DYNC2H1: variants seen among roughly 807,000 people sequenced by gnomAD.
DYNC2H1 encodes cytoplasmic dynein 2 heavy chain 1.
Under a neutral mutation model 570.0 loss-of-function variants are expected in DYNC2H1, and 410 were observed. That is an observed-to-expected ratio of 0.72 (90% CI 0.66 to 0.78). The LOEUF is 0.78. Ranked by LOEUF, DYNC2H1 falls within the 30% of genes least tolerant of loss-of-function variation. DYNC2H1 has a pLI of 0.00. For synonymous variants in DYNC2H1, 1,688 were observed against 1,677.6 expected, an observed-to-expected ratio of 1.01 and a Z score of -0.15; for missense variants, 4,865 against 5,046.4, an observed-to-expected ratio of 0.96 and a Z score of 1.09.
chr11:103,339,376 C>T (rs1591600296), intron 82 of DYNC2H1, among the ~76,000 whole-genome samples: 1 of 152,176 alleles, frequency 6.6e-6, no homozygotes, highest in African/African-American at 2.4e-5. Context: ...CTGGAGGCCA[C>T]ATATCAAGTG....
intron 59 of DYNC2H1, among the ~76,000 whole-genome samples, chr11:103,224,481 T>C (rs1438362286): frequency 2.6e-5 from 4 of 152,214 alleles, no homozygotes; most frequent in Non-Finnish European, 5.9e-5. Flanking sequence ...AGCTCCTACG[T>C]GAGTGAGAAC....
At chr11:103,154,356 CACAT>C (rs1277402837) in intron 22 of DYNC2H1, 91 bp from the exon 23 acceptor site, 10 of 1,062,952 alleles carry the variant, frequency 9.4e-6, no homozygotes, top group Non-Finnish European at 1.3e-5. Context: ...TGTGTGTACA[CACAT>C]ACAAGGATTG....
At chr11:103,321,351 G>T (rs536844707) in intron 81 of DYNC2H1, 114 bp downstream of exon 81, 2 of 1,123,182 alleles carry the variant, frequency 1.8e-6, no homozygotes, top group African/African-American at 1.5e-5. Context: ...TTCACAGTTT[G>T]GATTATTTGT....
At chr11:103,415,575 A>T (rs573423092) in intron 84 of DYNC2H1, among the ~76,000 whole-genome samples, 6 of 152,318 alleles carry the variant, frequency 3.9e-5, no homozygotes, top group African/African-American at 1.4e-4. Flanking sequence ...GTCATCAGAG[A>T]AATGCAAATC....
At chr11:103,419,240 G>C (rs1943395807) in intron 84 of DYNC2H1, among the ~76,000 whole-genome samples, 1 of 152,186 alleles carries the variant, frequency 6.6e-6, no homozygotes, top group African/African-American at 2.4e-5. Flanking sequence ...GTCCAGATGA[G>C]GAAGGGTCCC....
intron 18 of DYNC2H1, among the ~76,000 whole-genome samples, chr11:103,143,677 A>T (rs890649834): frequency 2.0e-5 from 3 of 152,202 alleles, no homozygotes; most frequent in African/African-American, 7.2e-5. Flanking sequence ...GCATTGGCAC[A>T]ATCTCAGTAT....
At chr11:103,424,813 A>G (rs1943611081) in intron 84 of DYNC2H1, among the ~76,000 whole-genome samples, 1 of 152,160 alleles carries the variant, frequency 6.6e-6, no homozygotes, top group African/African-American at 2.4e-5. Context: ...TATAAGGTCA[A>G]TGAATGTGGA....
At chr11:103,433,464 G>A (rs1400126985) in intron 84 of DYNC2H1, among the ~76,000 whole-genome samples, 1 of 152,058 alleles carries the variant, frequency 6.6e-6, no homozygotes, top group Non-Finnish European at 1.5e-5. Context: ...CACAGTTTTT[G>A]TGGGTCTAGA....
chr11:103,173,124 C>A lies in DYNC2H1; in HGVS notation c.5377C>A (p.Pro1793Thr). 6.7e-7 allele frequency: 1 copy of A among 1,488,880 alleles called. No homozygotes were observed. Among genetic ancestry groups the A allele is most frequent in the Non-Finnish European group, 8.9e-7 (1 of 1,118,166 alleles). The allele number at this position is 1,488,880 out of a possible 1,614,324, so 92.2% of individuals were successfully genotyped here. The change falls in exon 35 of 89, where the codon CCT (proline) becomes ACT (threonine). Residue 1793 changes from proline (P) to threonine (T), a missense_variant. By Grantham distance (38) the Pro-to-Thr change is conservative. Transcript: ENST00000375735. Reference sequence around the variant, plus strand: ...TTCTGGAATTTTTATCACTATGAATCCTGCTGGAAAAGGTTATGGAGGAAG... The same window carrying A: ...TTCTGGAATTTTTATCACTATGAATACTGCTGGAAAAGGTTATGGAGGAAG... ...SNSGIFITMN[P>T]AGKGYGGRQK... is the part of the protein sequence containing the mutation.
chr11:103,447,002 T>C (rs1392414361), intron 85 of DYNC2H1, among the ~76,000 whole-genome samples: 1 of 152,110 alleles, frequency 6.6e-6, no homozygotes, highest in Non-Finnish European at 1.5e-5. Flanking sequence ...GTGGTTCAGG[T>C]TCTGCATGAA....
At chr11:103,385,414 C>T (rs188568541) in intron 83 of DYNC2H1, among the ~76,000 whole-genome samples, 4 of 151,118 alleles carry the variant, frequency 2.6e-5, no homozygotes, top group African/African-American at 9.7e-5. Context: ...TTCTGGTTCA[C>T]TGTTTTTTTT....
Position 103,319,484 on chromosome 11 carries a change from C to A in DYNC2H1, c.11726-1545C>A, listed in dbSNP as rs576308438. 1.3e-5 allele frequency among the ~76,000 whole-genome samples: 2 copies of A among 151,998 alleles called. No individual in the cohort carries two copies. The highest frequency in any genetic ancestry group is 2.9e-5 in the Non-Finnish European group (2 of 67,962). On this transcript the variant is annotated intron_variant, in intron 80 of 88. Transcript: ENST00000375735. The surrounding 1 kb of genome is among the most constrained non-coding windows in gnomAD (Gnocchi z 4.3). Reference sequence around the variant, plus strand: ...ATAGTAGACACTATCTCAGTTTATTCGAATATCCAGAAGTTTAAATTACAA... The same window carrying A: ...ATAGTAGACACTATCTCAGTTTATTAGAATATCCAGAAGTTTAAATTACAA...
chr11:103,408,342 G>T (rs1223493285), intron 84 of DYNC2H1: 1 of 151,928 alleles, frequency 6.6e-6, no homozygotes, highest in Non-Finnish European at 1.5e-5. Flanking sequence ...AATTATAGTG[G>T]GAATAATAAA....
intron 63 of DYNC2H1, among the ~76,000 whole-genome samples, chr11:103,238,523 CA>C (rs1864306738): frequency 6.6e-6 from 1 of 151,004 alleles, no homozygotes; most frequent in South Asian, 2.1e-4. Context: ...GAGCCGAGAT[CA>C]CACCACCGCA....
Position 103,239,722 on chromosome 11 carries a change from T to C in DYNC2H1, c.9819+3183T>C, listed in dbSNP as rs1864354692. 6.6e-6 allele frequency among the ~76,000 whole-genome samples: 1 copy of C among 151,968 alleles called. No individual in the cohort carries two copies. On this transcript the variant is annotated intron_variant, in intron 63 of 88. Coordinates refer to ENST00000375735, the MANE Select transcript of DYNC2H1 (RefSeq NM_001377.3). The surrounding 1 kb of genome is among the most constrained non-coding windows in gnomAD (Gnocchi z 4.3). ...TTCTTGTTAATGTAACTCTCCTTAG[T>C]GAATCAAGAGTTAGGCTTTAGTTTT...
chr11:103,401,623 T>G (rs1942648134), intron 84 of DYNC2H1, among the ~76,000 whole-genome samples: 1 of 152,192 alleles, frequency 6.6e-6, no homozygotes, highest in Non-Finnish European at 1.5e-5. Flanking sequence ...TGTGTAACCT[T>G]GGGTAGGTTA....
chr11:103,444,129 C>T (rs895153825), intron 85 of DYNC2H1, among the ~76,000 whole-genome samples: 1 of 147,922 alleles, frequency 6.8e-6, no homozygotes, highest in Non-Finnish European at 1.5e-5. Flanking sequence ...TAAAATGTTT[C>T]CAGCTTTTTA....
Position 103,133,929 on chromosome 11 carries a change from A to G in DYNC2H1, c.2106+222A>G, listed in dbSNP as rs1191465417. Among the ~76,000 whole-genome samples the G allele has an allele frequency of 6.6e-6, 1 of 152,156 alleles. No homozygotes were observed. The highest frequency in any genetic ancestry group is 1.5e-5 in the Non-Finnish European group (1 of 68,018). On this transcript the variant is annotated intron_variant, in intron 14 of 88. Transcript: ENST00000375735. The surrounding 1 kb of genome is among the most constrained non-coding windows in gnomAD (Gnocchi z 4.8). Reference sequence around the variant, plus strand: ...GGAAAAAGACTGTTTTGAATTTTACAATTTTCCACTAACATTCTTTTTTTT... The same window carrying G: ...GGAAAAAGACTGTTTTGAATTTTACGATTTTCCACTAACATTCTTTTTTTT...
chr11:103,293,030 T>C (rs1866677325), intron 75 of DYNC2H1, among the ~76,000 whole-genome samples: 1 of 152,258 alleles, frequency 6.6e-6, no homozygotes, highest in Non-Finnish European at 1.5e-5. Flanking sequence ...ACCAGTGACT[T>C]TTATACCTTC....
Sources: allele counts gnomAD v4.1 joint callset (sites outside exome capture counted in the v4.1 genomes callset), GRCh38; gene constraint gnomAD v4.1.1; non-coding constraint Gnocchi (gnomAD v3.1); transcripts MANE v1.5; gene names NCBI Gene and HGNC (gene_info 2026-07-23, HGNC 2026-07-21).